The following PIBF1 variants were observed in gnomAD, a reference collection of about 807,000 sequenced individuals.
PIBF1 encodes progesterone-induced-blocking factor 1.
In PIBF1, 90 loss-of-function variants were observed where a neutral mutation model predicts 112.5. The observed-to-expected ratio is 0.80, with a 90% CI of 0.67 to 0.95. The LOEUF (loss-of-function observed/expected upper bound fraction) is 0.95. PIBF1 is among the 40% of genes least tolerant of loss of function. The pLI is 0.00. For synonymous variants in PIBF1, 301 were observed against 288.6 expected (o/e 1.04, Z -0.44); for missense variants, 915 against 852.3 (o/e 1.07, Z -0.92).
At chr13:72,948,114 A>G (rs532831741) in intron 14 of PIBF1, among the ~76,000 whole-genome samples, 12 of 152,198 alleles carry the variant, frequency 7.9e-5, no homozygotes, top group African/African-American at 2.9e-4. Context: ...GCATTAGGAG[A>G]AGTACCTAGT....
chr13:72,999,424 G>C (rs2043786656), intron 17 of PIBF1, among the ~76,000 whole-genome samples: 1 of 151,966 alleles, frequency 6.6e-6, no homozygotes, highest in Non-Finnish European at 1.5e-5. Flanking sequence ...AAGATTAAAA[G>C]GCAAGAGAAT....
At chr13:72,826,203 G>T (rs1379037726) in intron 6 of PIBF1, among the ~76,000 whole-genome samples, 1 of 152,028 alleles carries the variant, frequency 6.6e-6, no homozygotes, top group African/African-American at 2.4e-5. Flanking sequence ...AATACTGATA[G>T]TCATCTTTAC....
chr13:72,939,325 C>A (rs1048221253), intron 14 of PIBF1, among the ~76,000 whole-genome samples: 2 of 152,084 alleles, frequency 1.3e-5, no homozygotes, highest in Non-Finnish European at 2.9e-5. Flanking sequence ...CTATCTAGTC[C>A]TAAAACATGT....
At chr13:72,783,905 T>C (rs1237677164) in intron 2 of PIBF1, among the ~76,000 whole-genome samples, 184 bp downstream of exon 2, 1 of 152,176 alleles carries the variant, frequency 6.6e-6, no homozygotes, top group Non-Finnish European at 1.5e-5. Context: ...TACCAAGGGC[T>C]GGCATGGTTA....
At chr13:72,787,999 TGAAA>T (rs746474025) in intron 2 of PIBF1, among the ~76,000 whole-genome samples, 2 of 152,178 alleles carry the variant, frequency 1.3e-5, no homozygotes, top group Non-Finnish European at 2.9e-5. Context: ...GCCTAGGTCT[TGAAA>T]GAAAGGTATT....
At chr13:72,941,203 G>A (rs145091054) in intron 14 of PIBF1, among the ~76,000 whole-genome samples, 28 of 152,246 alleles carry the variant, frequency 1.8e-4, no homozygotes, top group South Asian at 8.3e-4. Flanking sequence ...TCTTTCGACC[G>A]TTGTTTTATT....
chr13:72,902,006 A>ATGTCTGTGTGTGTG, intron 11 of PIBF1, among the ~76,000 whole-genome samples: 1 of 147,936 alleles, frequency 6.8e-6, no homozygotes, highest in East Asian at 2.1e-4. Flanking sequence ...GTGTATGTAT[A>ATGTCTGTGTGTGTG]TGTGTGTGTG....
At chr13:72,950,014 AC>A (rs2042255166) in intron 14 of PIBF1, among the ~76,000 whole-genome samples, 1 of 152,182 alleles carries the variant, frequency 6.6e-6, no homozygotes, top group Non-Finnish European at 1.5e-5. Flanking sequence ...GTGTTTGTCT[AC>A]TATGTGTAGG....
At chr13:72,809,886 G>T (rs2035927632) in intron 5 of PIBF1, among the ~76,000 whole-genome samples, 1 of 152,126 alleles carries the variant, frequency 6.6e-6, no homozygotes, top group South Asian at 2.1e-4. Context: ...ACTGCGCTTG[G>T]CCAGAATGTG....
At chr13:72,904,544 G>A (rs771633526) in intron 11 of PIBF1, among the ~76,000 whole-genome samples, 3 of 140,432 alleles carry the variant, frequency 2.1e-5, no homozygotes, top group East Asian at 4.4e-4. Flanking sequence ...AGGTTCAAGC[G>A]ATTCTTGTGC....
chr13:73,011,913 T>C (rs1218529307), intron 17 of PIBF1, among the ~76,000 whole-genome samples: 2 of 152,094 alleles, frequency 1.3e-5, no homozygotes, highest in South Asian at 2.1e-4. Context: ...CTAAAACAAC[T>C]ATGATTAGTA....
chr13:72,912,298 A>C (rs753994659), intron 12 of PIBF1, among the ~76,000 whole-genome samples: 5 of 152,166 alleles, frequency 3.3e-5, no homozygotes, highest in Non-Finnish European at 7.3e-5. Flanking sequence ...AATGTACCAG[A>C]ATATATATTT....
chr13:72,872,760 A>G (rs2039220089), intron 10 of PIBF1, among the ~76,000 whole-genome samples: 1 of 152,188 alleles, frequency 6.6e-6, no homozygotes. Context: ...GATACAAGTT[A>G]CTATGAAAAA....
At chr13:72,916,416 T>A (rs201733226) in intron 12 of PIBF1, among the ~76,000 whole-genome samples, 68 of 119,272 alleles carry the variant, frequency 5.7e-4, no homozygotes, top group African/African-American at 1.8e-3. Flanking sequence ...ATATATATAT[T>A]TTTTTAATCC....
intron 15 of PIBF1, among the ~76,000 whole-genome samples, chr13:72,969,023 C>T (rs2042823696): frequency 6.7e-6 from 1 of 148,446 alleles, no homozygotes; most frequent in African/African-American, 2.6e-5. Flanking sequence ...AAGCAAAACT[C>T]TGTCTCAAAA....
intron 16 of PIBF1, among the ~76,000 whole-genome samples, chr13:72,987,855 T>A (rs1404650192): frequency 1.7e-5 from 1 of 57,964 alleles, no homozygotes; most frequent in Non-Finnish European, 3.1e-5. Flanking sequence ...TATTTATTTA[T>A]TTATTTTTTT....
At chr13:72,985,723 A>G (rs2043268164) in intron 16 of PIBF1, among the ~76,000 whole-genome samples, 1 of 152,196 alleles carries the variant, frequency 6.6e-6, no homozygotes, top group African/African-American at 2.4e-5. Flanking sequence ...TACAACATGG[A>G]GAAGGTACAG....
At chr13:72,892,785 T>TACACACACACAC (rs113653296) in intron 10 of PIBF1, among the ~76,000 whole-genome samples, 2,214 of 140,694 alleles carry the variant, frequency 0.016, 39 homozygotes, top group Admixed American at 0.051. Context: ...CCTCCTGCCT[T>TACACACACACAC]ACACACACAC....
At chr13:72,835,819 G>A (rs1345605607) in intron 9 of PIBF1, among the ~76,000 whole-genome samples, 1 of 152,058 alleles carries the variant, frequency 6.6e-6, no homozygotes, top group East Asian at 1.9e-4. Context: ...ATCATTTTTG[G>A]CTGGGCGTGG....
Sources: allele counts gnomAD v4.1 joint callset (sites outside exome capture counted in the v4.1 genomes callset), GRCh38; gene constraint gnomAD v4.1.1; transcripts MANE v1.5; gene names NCBI Gene and HGNC (gene_info 2026-07-23, HGNC 2026-07-21).